ZNF454: variants seen among roughly 807,000 people sequenced by gnomAD.
ZNF454 encodes the protein zinc finger protein 454.
In ZNF454, 30 loss-of-function variants were observed where a neutral mutation model predicts 48.2. The ratio of observed to expected loss-of-function variants is 0.62; its 90% confidence interval spans 0.47 to 0.84. ZNF454 has a LOEUF of 0.84. Ranked by LOEUF, ZNF454 falls within the 40% of genes least tolerant of loss-of-function variation. The pLI, the probability that ZNF454 is intolerant of heterozygous loss-of-function variation, is 0.00. For missense variants in ZNF454, 510 were observed against 623.1 expected, an observed-to-expected ratio of 0.82 and a Z score of 1.93; for synonymous variants, 204 against 211.4, an observed-to-expected ratio of 0.97 and a Z score of 0.30.
chr5:178,966,661 C>T (rs74773448), downstream of ZNF454, among the ~76,000 whole-genome samples: 14,969 of 152,062 alleles, frequency 0.098, 784 homozygotes, highest in African/African-American at 0.11. Flanking sequence ...AAATGGCCTA[C>T]GAGCGTTGCA....
chr5:178,944,068 G>A lies in ZNF454; in HGVS notation c.33+1244G>A, dbSNP rs563051389. Among the ~76,000 whole-genome samples the A allele has an allele frequency of 5.3e-5, 8 of 152,290 alleles. No individual in the cohort carries two copies. Among genetic ancestry groups the A allele is most frequent in the African/African-American group, 1.9e-4 (8 of 41,572 alleles). On this transcript the variant is annotated intron_variant, in intron 2 of 4. Transcript: ENST00000519564. This position sits in a 1 kb window ranked among gnomAD's most constrained non-coding sequence, Gnocchi z 4.1. ...AAAGAATATGGACTGTGCTTTGAAG[G>A]AGACAGCATTCATTTGGGCATATAC...
chr5:178,972,663 C>T, the ZNF454 span, among the ~76,000 whole-genome samples: 11 of 152,254 alleles, frequency 7.2e-5, no homozygotes, highest in Admixed American at 7.2e-4. Flanking sequence ...ACCCCAGGCC[C>T]GACGCAGCTG....
rs531896923 is a variant in ZNF454 at position 178,952,910 on chromosome 5, C to T, written c.250+5924C>T. Reference sequence around the variant, plus strand: ...TTTTTGGAGTTTATTCTGTTTTTTCCCCCTTTTCTTTATTTTAAGCATTTA... The same window carrying T: ...TTTTTGGAGTTTATTCTGTTTTTTCTCCCTTTTCTTTATTTTAAGCATTTA... On this transcript the variant is annotated intron_variant, in intron 4 of 4. Coordinates refer to ENST00000519564, the MANE Select transcript of ZNF454 (RefSeq NM_001178089.3). Among the ~76,000 whole-genome samples the T allele has an allele frequency of 2.2e-3, 337 of 151,122 alleles. 1 individual carries two copies. The highest frequency in any genetic ancestry group is 0.014 in the Middle Eastern group (4 of 294).
At position 178,959,945 on chromosome 5, in the gene ZNF454, T is replaced by G. The variant is rs538933450; in HGVS notation, c.251-4710T>G. On this transcript the variant is annotated intron_variant, in intron 4 of 4. Transcript: ENST00000519564. ...TTTTCTTTTTTTCTTTCTTTTCTTT[T>G]CTTTTCTTTTTTTTGTTTTTTGAGA... is the stretch of plus-strand genomic sequence containing the variant. 4.8e-4 allele frequency among the ~76,000 whole-genome samples: 72 copies of G among 150,062 alleles called. 2 individuals carry two copies. Among genetic ancestry groups the G allele is most frequent in the African/African-American group, 1.6e-3 (65 of 40,996 alleles).
At chr5:178,966,756 T>C (rs913740394), downstream of ZNF454, among the ~76,000 whole-genome samples, 1 of 151,680 alleles carries the variant, frequency 6.6e-6, no homozygotes, top group Non-Finnish European at 1.5e-5. Flanking sequence ...CGACACCCAG[T>C]GTAGAGAAAG....
the ZNF454 span, among the ~76,000 whole-genome samples, chr5:178,984,747 G>A: frequency 7.2e-5 from 11 of 152,226 alleles, no homozygotes; most frequent in African/African-American, 1.7e-4. Context: ...TCCTAGTCAC[G>A]GAGAACTGCA....
At chr5:178,968,072 G>A (rs1271735828), downstream of ZNF454, among the ~76,000 whole-genome samples, 1 of 148,620 alleles carries the variant, frequency 6.7e-6, no homozygotes, top group Admixed American at 6.8e-5. Flanking sequence ...AGTGCTTTCA[G>A]TAGAAATCAC....
intron 4 of ZNF454, 44 bp downstream of exon 4, chr5:178,947,030 GGTAGGGAAGGCTCC>G: frequency 6.5e-7 from 1 of 1,549,916 alleles, no homozygotes; most frequent in Non-Finnish European, 8.9e-7. Flanking sequence ...AGCCCTGCTG[GGTAGGGAAGGCTCC>G]GTAGGGAAGG....
chr5:178,955,047 G>T (rs201743222), intron 4 of ZNF454, among the ~76,000 whole-genome samples: 4 of 152,140 alleles, frequency 2.6e-5, no homozygotes, highest in African/African-American at 7.2e-5. Context: ...ATGTTTTTTT[G>T]TGGGCATATG....
At chr5:178,986,490 C>T in the ZNF454 span, 37 of 1,610,316 alleles carry the variant, frequency 2.3e-5, no homozygotes, top group Middle Eastern at 1.7e-4. Flanking sequence ...GGAGGAGCGG[C>T]GGGGCTGCCC....
downstream of ZNF454, chr5:178,968,881 G>A (rs1160929584): frequency 4.4e-6 from 2 of 456,712 alleles, no homozygotes; most frequent in Admixed American, 2.3e-5. Context: ...CACCTCAGCC[G>A]CGGCTCCAGG....
the ZNF454 span, chr5:178,985,611 G>A: frequency 3.9e-5 from 14 of 356,492 alleles, no homozygotes; most frequent in South Asian, 1.9e-4. Context: ...GCTGAGGCAG[G>A]AGAATGGCGT....
chr5:178,988,969 C>T, the ZNF454 span: 3 of 1,613,874 alleles, frequency 1.9e-6, no homozygotes, highest in Non-Finnish European at 2.5e-6. This position sits in a 1 kb window ranked among gnomAD's most constrained non-coding sequence, Gnocchi z 6.0. Context: ...ACTGCAGAAG[C>T]ATCCGCCCAT....
the ZNF454 span, chr5:178,986,922 G>A: frequency 4.3e-6 from 7 of 1,614,012 alleles, no homozygotes; most frequent in African/African-American, 4.0e-5. Flanking sequence ...GGTACTGGAA[G>A]ATGTCGTACC....
chr5:178,983,992 T>C, the ZNF454 span, among the ~76,000 whole-genome samples: 8,688 of 152,304 alleles, frequency 0.057, 319 homozygotes, highest in East Asian at 0.15. Flanking sequence ...CAGGGCCATG[T>C]GATCCTGCTG....
At chr5:178,983,030 G>A in the ZNF454 span, 3 of 1,613,892 alleles carry the variant, frequency 1.9e-6, no homozygotes, top group Admixed American at 5.0e-5. Flanking sequence ...GCACGCCACG[G>A]GCCTTGATGG....
In ZNF454 at chr5:178,942,789, A is replaced by C. The variant is rs201354065; in HGVS notation, c.-3A>C. Reference sequence around the variant, plus strand: ...CCTAAGAGGGCTCATCGGAGAAGAAAGAATGGCTGTCAGCCACCTGCCAAC... The same window carrying C: ...CCTAAGAGGGCTCATCGGAGAAGAACGAATGGCTGTCAGCCACCTGCCAAC... On this transcript the variant is annotated 5_prime_UTR_variant, in exon 2 of 5. Coordinates refer to ENST00000519564, the MANE Select transcript of ZNF454 (RefSeq NM_001178089.3). The C allele has an allele frequency of 5.6e-5, 90 of 1,614,024 alleles. No individual in the cohort carries two copies. Among genetic ancestry groups the C allele is most frequent in the Non-Finnish European group, 6.9e-5 (82 of 1,179,966 alleles).
At chr5:178,989,296 G>A in the ZNF454 span, 1 of 1,613,266 alleles carries the variant, frequency 6.2e-7, no homozygotes, top group Non-Finnish European at 8.5e-7. Context: ...CGTCTGACTG[G>A]GTACCTGAGC....
chr5:178,968,902 AG>A, downstream of ZNF454: 1 of 456,564 alleles, frequency 2.2e-6, no homozygotes, highest in Non-Finnish European at 4.4e-6. Flanking sequence ...AACTAGCGTC[AG>A]CGGCATTAAG....
Sources: allele counts gnomAD v4.1 joint callset (sites outside exome capture counted in the v4.1 genomes callset), GRCh38; gene constraint gnomAD v4.1.1; non-coding constraint Gnocchi (gnomAD v3.1); transcripts MANE v1.5; gene names NCBI Gene and HGNC (gene_info 2026-07-23, HGNC 2026-07-21).